The following SLC10A7 variants were observed in gnomAD, a reference collection of about 807,000 sequenced individuals.
SLC10A7 encodes solute carrier family 10 member 7.
A neutral mutation model predicts 43.2 loss-of-function variants in SLC10A7; 29 were observed. The ratio of observed to expected loss-of-function variants is 0.67; its 90% CI spans 0.50 to 0.92. SLC10A7 has a LOEUF of 0.92. Ranked by LOEUF, SLC10A7 falls within the 40% of genes least tolerant of loss-of-function variation. SLC10A7 has a pLI of 0.00. For synonymous variants in SLC10A7, 152 were observed against 144.8 expected, an observed-to-expected ratio of 1.05 and a Z score of -0.35; for missense variants, 295 against 403.2, an observed-to-expected ratio of 0.73 and a Z score of 2.30.
intron 5 of SLC10A7, among the ~76,000 whole-genome samples, chr4:146,347,271 G>A (rs1007663219): frequency 1.3e-5 from 2 of 152,070 alleles, no homozygotes; most frequent in African/African-American, 2.4e-5. Context: ...CCATTCCCAT[G>A]GCACCAATCT....
At chr4:146,434,336 G>T (rs2149876069) in intron 5 of SLC10A7, among the ~76,000 whole-genome samples, 1 of 152,088 alleles carries the variant, frequency 6.6e-6, no homozygotes, top group East Asian at 1.9e-4. Context: ...TTAACACATT[G>T]TCCCCACAAA....
chr4:146,474,664 T>C (rs1733879227), intron 4 of SLC10A7, among the ~76,000 whole-genome samples: 1 of 152,174 alleles, frequency 6.6e-6, no homozygotes. Flanking sequence ...AGAATTATAG[T>C]ATGATTTCCA....
At chr4:146,436,357 T>C (rs915591572) in intron 5 of SLC10A7, among the ~76,000 whole-genome samples, 1 of 152,132 alleles carries the variant, frequency 6.6e-6, no homozygotes, top group Non-Finnish European at 1.5e-5. Context: ...GAGCTATCAG[T>C]GGGTCTTCTT....
At chr4:146,293,710 A>T (rs1434477585) in intron 8 of SLC10A7, among the ~76,000 whole-genome samples, 1 of 152,160 alleles carries the variant, frequency 6.6e-6, no homozygotes, top group Non-Finnish European at 1.5e-5. Flanking sequence ...TAAATCAGAA[A>T]ATGGGGCAGC....
intron 4 of SLC10A7, among the ~76,000 whole-genome samples, chr4:146,489,478 T>C (rs1255947007): frequency 1.3e-5 from 2 of 152,306 alleles, no homozygotes; most frequent in East Asian, 3.9e-4. Flanking sequence ...GGAATTAATA[T>C]ATGTAAAGCA....
rs1015280611 is a variant in SLC10A7, at chr4:146,283,345, C to T, written c.774-80G>A. 9.5e-6 allele frequency: 10 copies of T among 1,047,218 alleles called. No homozygotes were observed. In the African/African-American group the frequency reaches 1.6e-4, roughly 16 times the overall value. The allele number at this position is 1,047,218 out of a possible 1,614,324, so 64.9% of individuals were successfully genotyped here. ...ATTCAAAATCAAATGTAGTACCTAC[C>T]TTTATGTTAACATCCCTTTGATCAA... On this transcript the variant is annotated intron_variant, in intron 9 of 11. Transcript: ENST00000335472.
intron 1 of SLC10A7, among the ~76,000 whole-genome samples, chr4:146,519,091 ATATATATATATATATAT>A (rs1738320251): frequency 8.3e-6 from 1 of 119,846 alleles, no homozygotes; most frequent in Non-Finnish European, 1.7e-5. Context: ...ATATATATAT[ATATATATATATATATAT>A]ATATAATATA....
chr4:146,432,905 GTAC>G (rs1729886068), intron 5 of SLC10A7, among the ~76,000 whole-genome samples: 1 of 151,720 alleles, frequency 6.6e-6, no homozygotes, highest in African/African-American at 2.4e-5. Flanking sequence ...GGGCGTGGTG[GTAC>G]GCGCCTGTAG....
chr4:146,473,414 A>G (rs1043728038), intron 4 of SLC10A7, among the ~76,000 whole-genome samples: 1 of 152,120 alleles, frequency 6.6e-6, no homozygotes, highest in Admixed American at 6.6e-5. Context: ...CCAAGCTACA[A>G]TATATATCAA....
chr4:146,464,493 A>T (rs1579255877), intron 4 of SLC10A7, among the ~76,000 whole-genome samples: 1 of 152,238 alleles, frequency 6.6e-6, no homozygotes, highest in East Asian at 1.9e-4. Context: ...AGAACATAAA[A>T]TTTTATTAAA....
chr4:146,472,681 C>A (rs1037134774), intron 4 of SLC10A7, among the ~76,000 whole-genome samples: 3 of 152,140 alleles, frequency 2.0e-5, no homozygotes, highest in African/African-American at 7.2e-5. Context: ...TGCCTATCAA[C>A]CTGTGGCAGC....
intron 5 of SLC10A7, among the ~76,000 whole-genome samples, chr4:146,330,259 T>C (rs974158529): frequency 2.0e-5 from 3 of 152,162 alleles, no homozygotes; most frequent in African/African-American, 7.2e-5. Context: ...AAACTGTGAA[T>C]GTGCTTCTCT....
intron 5 of SLC10A7, among the ~76,000 whole-genome samples, chr4:146,335,268 A>G: frequency 6.7e-6 from 1 of 148,564 alleles, no homozygotes; most frequent in Admixed American, 6.7e-5. Context: ...AAAAAAAAAA[A>G]AAAAAAAAAA....
intron 5 of SLC10A7, among the ~76,000 whole-genome samples, chr4:146,365,148 T>G (rs1477696417): frequency 6.6e-6 from 1 of 152,142 alleles, no homozygotes; most frequent in East Asian, 1.9e-4. Context: ...CACATAAGAC[T>G]CAGTAAGTAT....
At chr4:146,521,506 G>C in intron 1 of SLC10A7, 112 bp downstream of exon 1, 1 of 815,560 alleles carries the variant, frequency 1.2e-6, no homozygotes, top group Non-Finnish European at 2.0e-6. Flanking sequence ...GCTGGTCAGT[G>C]CCCCCTGAAA....
chr4:146,312,868 G>A (rs762244433), intron 6 of SLC10A7, among the ~76,000 whole-genome samples: 4 of 152,194 alleles, frequency 2.6e-5, no homozygotes, highest in Admixed American at 1.3e-4. Context: ...AAAATGAACC[G>A]TAAATTGGCT....
intron 5 of SLC10A7, among the ~76,000 whole-genome samples, chr4:146,425,983 G>C (rs1426498224): frequency 1.3e-5 from 2 of 152,226 alleles, no homozygotes; most frequent in African/African-American, 2.4e-5. Context: ...ACCATGAAGA[G>C]AGAATGCATC....
chr4:146,330,656 A>G (rs777407549), intron 5 of SLC10A7, among the ~76,000 whole-genome samples: 2 of 152,220 alleles, frequency 1.3e-5, no homozygotes, highest in Non-Finnish European at 1.5e-5. Flanking sequence ...TATTAAAATA[A>G]TAAAAGCTAA....
rs184465089 is a variant in SLC10A7 at position 146,312,134 on chromosome 4, A to G, written c.472-6125T>C. On this transcript the variant is annotated intron_variant, in intron 6 of 11. Coordinates refer to ENST00000335472, the MANE Select transcript of SLC10A7 (RefSeq NM_001029998.6). The stretch of plus-strand genomic sequence containing the variant: ...GGAAAGTATATGTTTAGGAGAGGAA[A>G]GTATCTTTTTAATATTTATATGCAC... Among the ~76,000 whole-genome samples, 748 of 152,286 alleles carry G rather than the reference A, an allele frequency of 4.9e-3. 16 individuals carry two copies. The highest frequency in any genetic ancestry group is 4.8e-3 in the Non-Finnish European group (328 of 68,008).
Sources: allele counts gnomAD v4.1 joint callset (sites outside exome capture counted in the v4.1 genomes callset), GRCh38; gene constraint gnomAD v4.1.1; transcripts MANE v1.5; gene names NCBI Gene and HGNC (gene_info 2026-07-23, HGNC 2026-07-21).